Variants in SPICE1 observed in about 807,000 individuals in gnomAD.
The protein encoded by SPICE1 is spindle and centriole-associated protein 1.
A neutral mutation model predicts 102.7 loss-of-function variants in SPICE1; 75 were observed. The ratio of observed to expected loss-of-function variants is 0.73; its 90% confidence interval spans 0.61 to 0.88. The LOEUF (loss-of-function observed/expected upper bound fraction) is 0.88. SPICE1 is among the 40% of genes least tolerant of loss of function. The probability of loss-of-function intolerance (pLI) is 0.00; values close to 1 mark genes in which losing one functional copy is unlikely to be tolerated. For missense variants in SPICE1, 979 were observed against 1,020.1 expected (o/e 0.96, Z 0.55); for synonymous variants, 308 against 350.3 (o/e 0.88, Z 1.35).
chr3:113,451,947 T>C (rs1935663345), intron 14 of SPICE1, among the ~76,000 whole-genome samples: 1 of 152,050 alleles, frequency 6.6e-6, no homozygotes, highest in Admixed American at 6.5e-5. Context: ...TTAAAGCCCT[T>C]ATGAACACAG....
rs201318409 is a variant in SPICE1, at chr3:113,460,628, A to G, written c.1424T>C (p.Met475Thr). ...SESGATGRRV[M>T]DSPERPVVNA... ...AAGACCACACTCACCTGGACTGTCC[A>G]TAACTCTTCTACCTGTGGCTCCGCT... The change falls in exon 12 of 18, where the codon ATG becomes ACG. Residue 475 changes from methionine (M) to threonine (T), a missense_variant. Physicochemically the swap from Met to Thr is moderately conservative, Grantham distance 81 (BLOSUM62 -1). Coordinates refer to ENST00000295872, the MANE Select transcript of SPICE1 (RefSeq NM_144718.4). The G allele has an allele frequency of 3.7e-6, 6 of 1,612,272 alleles. No individual in the cohort carries two copies. The highest frequency in any genetic ancestry group is 8.5e-7 in the Non-Finnish European group (1 of 1,178,938).
At chr3:113,446,497 AC>A in intron 17 of SPICE1, 91 bp downstream of exon 17, 1 of 931,108 alleles carries the variant, frequency 1.1e-6, no homozygotes, top group Non-Finnish European at 1.7e-6. Context: ...CTTTAGGATA[AC>A]AGGAATGATA....
chr3:113,499,625 A>T (rs1168357497), intron 3 of SPICE1, 43 bp from the exon 4 acceptor site: 1 of 1,519,268 alleles, frequency 6.6e-7, no homozygotes, highest in Non-Finnish European at 8.8e-7. Flanking sequence ...TTTCAGACAC[A>T]AAGAAGTTGC....
intron 4 of SPICE1, 144 bp downstream of exon 4, chr3:113,499,295 C>CT: frequency 9.1e-6 from 8 of 880,128 alleles, no homozygotes; most frequent in Non-Finnish European, 1.1e-5. Context: ...CACTCTGTTG[C>CT]TTTTTTTGAA....
chr3:113,465,543 G>T, intron 11 of SPICE1, 110 bp downstream of exon 11: 2 of 867,550 alleles, frequency 2.3e-6, no homozygotes, highest in Non-Finnish European at 3.5e-6. Flanking sequence ...TGACTGATAA[G>T]TAATCACATC....
chr3:113,461,453 C>T (rs1356460236), intron 11 of SPICE1, among the ~76,000 whole-genome samples: 2 of 151,622 alleles, frequency 1.3e-5, no homozygotes, highest in South Asian at 2.1e-4. Flanking sequence ...GTTTAGAATT[C>T]CATTCTTACA....
chr3:113,498,371 C>G (rs1197095355), intron 4 of SPICE1, among the ~76,000 whole-genome samples: 2 of 152,290 alleles, frequency 1.3e-5, no homozygotes, highest in African/African-American at 4.8e-5. Flanking sequence ...AAATTCAGGA[C>G]ATGAGCAGGA....
At chr3:113,468,700 A>G in intron 9 of SPICE1, 62 bp downstream of exon 9, 1 of 1,535,578 alleles carries the variant, frequency 6.5e-7, no homozygotes. Context: ...TGACTAAGAG[A>G]TTAAGACAGC....
intron 2 of SPICE1, among the ~76,000 whole-genome samples, chr3:113,504,623 C>T (rs1487358141): frequency 7.4e-6 from 1 of 134,462 alleles, no homozygotes; most frequent in African/African-American, 2.8e-5. Context: ...GTACAAGGTA[C>T]AACTACAGGA....
intron 15 of SPICE1, 101 bp downstream of exon 15, chr3:113,450,235 A>T: frequency 7.1e-7 from 1 of 1,406,074 alleles, no homozygotes; most frequent in Non-Finnish European, 9.9e-7. Context: ...GCACCAAAAT[A>T]TATGCTCTGA....
chr3:113,458,866 G>A (rs1288815494), intron 12 of SPICE1, among the ~76,000 whole-genome samples: 9 of 150,814 alleles, frequency 6.0e-5, no homozygotes, highest in East Asian at 5.9e-4. Flanking sequence ...CGGCCGCCCC[G>A]TCTGGGAAGT....
Position 113,448,023 on chromosome 3 carries a change from C to A in SPICE1, c.2426+15G>T. The A allele has an allele frequency of 1.3e-6, 2 of 1,561,628 alleles. No homozygotes were observed. The highest frequency in any genetic ancestry group is 1.7e-6 in the Non-Finnish European group (2 of 1,157,212). On this transcript the variant is annotated intron_variant, in intron 16 of 17. Transcript: ENST00000295872. ...TGATTTTTTTTTTTAAATAAATATTCACACTGCAACTTACCTTCTTGTATT... is the reference window on the plus strand; with the variant it reads ...TGATTTTTTTTTTTAAATAAATATTAACACTGCAACTTACCTTCTTGTATT...
At chr3:113,459,856 T>G in intron 12 of SPICE1, 1 of 978,300 alleles carries the variant, frequency 1.0e-6, no homozygotes, top group Non-Finnish European at 1.2e-6. Flanking sequence ...CACTCCAGCC[T>G]GGGTGACAGA....
At chr3:113,489,919 A>AT (rs1323579014) in intron 6 of SPICE1, among the ~76,000 whole-genome samples, 1 of 149,408 alleles carries the variant, frequency 6.7e-6, no homozygotes, top group Admixed American at 6.7e-5. Flanking sequence ...ATTTTCTTAG[A>AT]TTTTCTCCTA....
Position 113,465,737 on chromosome 3 carries a change from T to C in SPICE1, c.1203A>G (p.Glu401=), listed in dbSNP as rs1375475376. 4 of 1,613,896 alleles carry C rather than the reference T, an allele frequency of 2.5e-6. No individual in the cohort carries two copies. The highest frequency in any genetic ancestry group is 2.2e-5 in the South Asian group (2 of 91,060). ...RKEVETRQQL[E]QVLGDHRELI... ...GCTCTCGATGATCACCTAATACTTG[T>C]TCCAGTTGTTGCCTTGTCTCTACTT... The change falls in exon 11 of 18, where the codon GAA becomes GAG. Residue 401 remains glutamate, a synonymous_variant. Transcript: ENST00000295872.
Position 113,468,310 on chromosome 3 carries a change from A to C in SPICE1, c.984T>G (p.Asn328Lys). 1 of 1,614,162 alleles carries C rather than the reference A, an allele frequency of 6.2e-7. No individual in the cohort carries two copies. The highest frequency in any genetic ancestry group is 1.1e-5 in the South Asian group (1 of 91,086). ...TGTGTTTGAGGACATCCAGGTTGGA[A>C]TTAGTCCTATTTGGTAAGTCTGCAG... ...TTSADLPNRT[N>K]SNLDVLKHMI... The change falls in exon 10 of 18, where the codon AAT becomes AAG. Residue 328 changes from asparagine (N) to lysine (K), a missense_variant. Transcript: ENST00000295872.
At chr3:113,448,220 C>T in intron 15 of SPICE1, 80 bp from the exon 16 acceptor site, 4 of 1,242,802 alleles carry the variant, frequency 3.2e-6, no homozygotes, top group Non-Finnish European at 4.4e-6. Flanking sequence ...TTACTGCAAA[C>T]TGCACATTAA....
chr3:113,506,655 A>C (rs1473914140), intron 1 of SPICE1, 50 bp from the exon 2 acceptor site: 1 of 1,461,530 alleles, frequency 6.8e-7, no homozygotes, highest in Admixed American at 1.8e-5. Context: ...AAAAACAATA[A>C]GCATCACCAG....
chr3:113,458,900 C>T (rs1366983569), intron 12 of SPICE1, among the ~76,000 whole-genome samples: 1 of 152,222 alleles, frequency 6.6e-6, no homozygotes, highest in African/African-American at 2.4e-5. Flanking sequence ...GCCCGGCCGC[C>T]ACCCCGTCTG....
Sources: gnomAD v4.1 joint callset for allele counts (sites outside exome capture counted in the v4.1 genomes callset) on GRCh38, gnomAD v4.1.1 for gene constraint, MANE v1.5 for transcripts, NCBI Gene and HGNC (gene_info 2026-07-23, HGNC 2026-07-21) for gene names.